The following TFEC variants were observed in gnomAD, a reference collection of about 807,000 sequenced individuals.
TFEC encodes the protein class E basic helix-loop-helix protein 34.
Under a neutral mutation model 41.6 loss-of-function variants are expected in TFEC, and 31 were observed. The ratio of observed to expected loss-of-function variants is 0.74; its 90% CI spans 0.56 to 1.01. The LOEUF is 1.01. TFEC is among the 50% of genes least tolerant of loss of function. TFEC has a pLI of 0.00. For synonymous variants in TFEC, 143 were observed against 140.6 expected (o/e 1.02, Z -0.12); for missense variants, 402 against 404.1 (o/e 0.99, Z 0.04).
intron 1 of TFEC, among the ~76,000 whole-genome samples, chr7:116,027,947 A>G (rs992113972): frequency 3.3e-5 from 5 of 152,106 alleles, no homozygotes; most frequent in Admixed American, 1.3e-4. Context: ...GAGAAACAGA[A>G]ACCTAACGGG....
At chr7:116,117,373 T>C (rs1798013589) in intron 1 of TFEC, 1 of 151,774 alleles carries the variant, frequency 6.6e-6, no homozygotes, top group Non-Finnish European at 1.5e-5. Context: ...AACCAGACAA[T>C]AGGACAGACC....
chr7:115,957,843 GATAAA>G (rs1333521510), intron 3 of TFEC, among the ~76,000 whole-genome samples: 1 of 151,648 alleles, frequency 6.6e-6, no homozygotes, highest in Non-Finnish European at 1.5e-5. Flanking sequence ...TGAGAGAACT[GATAAA>G]ATCAGACAGG....
rs142216522 is a variant in TFEC, at chr7:115,956,834, T to C, written c.268-41A>G. 3.5e-4 allele frequency: 459 copies of C among 1,293,604 alleles called. 1 individual carries two copies. In the African/African-American group the frequency reaches 5.8e-3, roughly 16 times the overall value. The allele number at this position is 1,293,604 out of a possible 1,614,324, so 80.1% of individuals were successfully genotyped here. ...GAAGAAAAGATTAATAAAAACCTTC[T>C]GTGCAAATTGATATATTTAGTTATA... On this transcript the variant is annotated intron_variant, in intron 3 of 7. Transcript: ENST00000265440.
At chr7:115,984,603 A>G in intron 1 of TFEC, 90 bp from the exon 2 acceptor site, 1 of 1,438,760 alleles carries the variant, frequency 7.0e-7, no homozygotes, top group Non-Finnish European at 9.4e-7. Context: ...GATAATAAAC[A>G]CACTACACTA....
At chr7:116,025,677 C>T (rs1319569629) in intron 1 of TFEC, among the ~76,000 whole-genome samples, 2 of 152,196 alleles carry the variant, frequency 1.3e-5, no homozygotes, top group Non-Finnish European at 2.9e-5. Flanking sequence ...CTTCCCATTT[C>T]ACAGTGTGTT....
intron 1 of TFEC, among the ~76,000 whole-genome samples, chr7:116,131,825 A>G (rs551845449): frequency 1.3e-5 from 2 of 152,328 alleles, no homozygotes; most frequent in Admixed American, 1.3e-4. Flanking sequence ...AATGATTTAC[A>G]GTATTAGTAC....
At chr7:116,042,556 G>A (rs890165153) in intron 3 of TFEC, among the ~76,000 whole-genome samples, 2 of 152,102 alleles carry the variant, frequency 1.3e-5, no homozygotes, top group African/African-American at 2.4e-5. Flanking sequence ...TATCCCTACA[G>A]GAATATTAAA....
intron 1 of TFEC, among the ~76,000 whole-genome samples, chr7:116,127,485 C>T (rs759519052): frequency 4.0e-5 from 6 of 151,872 alleles, no homozygotes; most frequent in Non-Finnish European, 7.4e-5. Context: ...CACTTACTTC[C>T]ATTGTCTTTT....
intron 2 of TFEC, among the ~76,000 whole-genome samples, chr7:115,975,348 C>G (rs1341806833): frequency 6.6e-6 from 1 of 151,958 alleles, no homozygotes. Flanking sequence ...AACTACAGTA[C>G]TGTGAATTTC....
At position 115,935,955 on chromosome 7, in the gene TFEC, C is replaced by T. The variant is rs1452190337; in HGVS notation, c.*4596G>A. 3 of 151,496 alleles carry T rather than the reference C, an allele frequency of 2.0e-5. No homozygotes were observed. The highest frequency in any genetic ancestry group is 3.0e-5 in the Non-Finnish European group (2 of 67,564). The allele number at this position is 151,496 out of a possible 1,614,324, so 9.4% of individuals were successfully genotyped here. A position where few individuals can be genotyped will look rare whatever the true frequency, so the allele number is the denominator to read the frequency against. On this transcript the variant is annotated 3_prime_UTR_variant, in exon 8 of 8. Transcript: ENST00000265440. ...AAAGCAGTAGACAATAGTACTTCAT[C>T]ATTAAGTTGGTTGAATCCTGGGAGA...
intron 1 of TFEC, among the ~76,000 whole-genome samples, chr7:116,006,473 AG>A (rs1351180616): frequency 6.6e-6 from 1 of 152,166 alleles, no homozygotes; most frequent in Non-Finnish European, 1.5e-5. Context: ...AGATTTGCAT[AG>A]GGCCTGTAGC....
intron 5 of TFEC, among the ~76,000 whole-genome samples, chr7:115,952,993 C>T (rs1792027468): frequency 6.6e-6 from 1 of 152,080 alleles, no homozygotes; most frequent in South Asian, 2.1e-4. Context: ...AGACCACCTC[C>T]CTGGGTCCAT....
At chr7:116,049,169 A>G (rs1205617853) in intron 3 of TFEC, among the ~76,000 whole-genome samples, 1 of 152,234 alleles carries the variant, frequency 6.6e-6, no homozygotes, top group Non-Finnish European at 1.5e-5. Flanking sequence ...TGCTCCCATT[A>G]AAAGACACAG....
intron 3 of TFEC, 147 bp from the exon 4 acceptor site, chr7:115,956,940 G>T (rs1283538609): frequency 4.5e-6 from 2 of 444,098 alleles, no homozygotes; most frequent in Non-Finnish European, 7.6e-6. Context: ...TAAACAAGAC[G>T]AGTATGCATT....
chr7:116,082,548 A>G (rs1306343765), intron 3 of TFEC, among the ~76,000 whole-genome samples: 1 of 152,072 alleles, frequency 6.6e-6, no homozygotes, highest in Non-Finnish European at 1.5e-5. Context: ...GTGTACCACT[A>G]TGATCTAAAA....
intron 1 of TFEC, among the ~76,000 whole-genome samples, chr7:115,992,312 A>C (rs1007821910): frequency 1.3e-5 from 2 of 152,128 alleles, no homozygotes; most frequent in African/African-American, 4.8e-5. Context: ...GAAGCAAGAG[A>C]AAACACATTC....
chr7:116,092,125 G>A (rs1584505328), intron 3 of TFEC, among the ~76,000 whole-genome samples: 1 of 151,894 alleles, frequency 6.6e-6, no homozygotes, highest in East Asian at 1.9e-4. Context: ...CAAATATAGG[G>A]ACCTTTTTTA....
chr7:115,986,120 G>T (rs929619897), intron 1 of TFEC, among the ~76,000 whole-genome samples: 5 of 152,092 alleles, frequency 3.3e-5, no homozygotes, highest in African/African-American at 1.2e-4. Flanking sequence ...GTTATATCAA[G>T]AATACAAAAG....
chr7:116,135,779 G>A (rs1185313966), intron 1 of TFEC, among the ~76,000 whole-genome samples: 1 of 151,990 alleles, frequency 6.6e-6, no homozygotes, highest in Non-Finnish European at 1.5e-5. Context: ...CATTAAAAGG[G>A]TATTACCATA....
Sources: allele counts gnomAD v4.1 joint callset (sites outside exome capture counted in the v4.1 genomes callset), GRCh38; gene constraint gnomAD v4.1.1; transcripts MANE v1.5; gene names NCBI Gene and HGNC (gene_info 2026-07-23, HGNC 2026-07-21).